FLNC: variants seen among roughly 807,000 people sequenced by gnomAD.
The protein encoded by FLNC is filamin C, also known as filamin-C.
FLNC carries 91 observed loss-of-function variants against 254.3 expected under a neutral mutation model. The ratio of observed to expected loss-of-function variants is 0.36; its 90% CI spans 0.30 to 0.43. FLNC has a LOEUF of 0.43. Ranked by LOEUF, FLNC falls within the 20% of genes least tolerant of loss-of-function variation. FLNC has a pLI of 1.00. For synonymous variants in FLNC, 1,430 were observed against 1,577.2 expected (o/e 0.91, Z 2.21); for missense variants, 2,853 against 3,802.6 (o/e 0.75, Z 6.57).
rs779061913 is a variant in FLNC at position 128,850,071 on chromosome 7, C to T, written c.5295C>T (p.His1765=). 3.3e-6 allele frequency: 5 copies of T among 1,536,250 alleles called. No homozygotes were observed. The highest frequency in any genetic ancestry group is 2.4e-5 in the East Asian group (1 of 41,114). ...CCCGGCCCGGCGCCCGCCCCACACA[C>T]TGGGTACTGCGCCTCCCACCAGGCG... ...APPRPGARPT[H]WATEEPVVPV... is the part of the protein sequence containing the mutation. Residue 1765 remains histidine, a synonymous_variant, in exon 31 of 48, where the codon CAC becomes CAT. Coordinates refer to ENST00000325888, the MANE Select transcript of FLNC (RefSeq NM_001458.5).
Position 128,840,534 on chromosome 7 carries a change from C to T in FLNC, c.1550-14C>T. On this transcript the variant is annotated splice_polypyrimidine_tract_variant and intron_variant, in intron 9 of 47. Transcript: ENST00000325888. ...TGATCTGCCTTCTTCCCCACCCTGC[C>T]CCCATCTCCTCAGAGGGCACAGAGG... is the stretch of plus-strand genomic sequence containing the variant. 1 of 1,614,136 alleles carries T rather than the reference C, an allele frequency of 6.2e-7. No homozygotes were observed. Among genetic ancestry groups the T allele is most frequent in the Non-Finnish European group, 8.5e-7 (1 of 1,180,022 alleles).
Position 128,854,870 on chromosome 7 carries a change from A to G in FLNC, c.7093A>G (p.Lys2365Glu). The change falls in exon 42 of 48, where the codon AAA becomes GAA. Residue 2365 changes from lysine to glutamate, a missense_variant. Lys to Glu is a moderately conservative substitution (Grantham distance 56). Transcript: ENST00000325888. ...AGCGGAGATTGCATTTGAGGATCGC[A>G]AAGATGGCTCCTGCGGCGTCTCCTA... ...SKAEIAFEDR[K>E]DGSCGVSYVV... is the part of the protein sequence containing the mutation. 1 of 1,614,100 alleles carries G rather than the reference A, an allele frequency of 6.2e-7. No individual in the cohort carries two copies. Among genetic ancestry groups the G allele is most frequent in the East Asian group, 2.2e-5 (1 of 44,882 alleles).
intron 24 of FLNC, 44 bp from the exon 25 acceptor site, chr7:128,847,653 C>A: frequency 6.2e-7 from 1 of 1,611,934 alleles, no homozygotes; most frequent in South Asian, 1.1e-5. Flanking sequence ...TCAGGGGGAC[C>A]CATCAGGGCT....
intron 35 of FLNC, among the ~76,000 whole-genome samples, chr7:128,851,831 A>C (rs1368596356): frequency 6.6e-6 from 1 of 152,238 alleles, no homozygotes; most frequent in Non-Finnish European, 1.5e-5. Flanking sequence ...CTTGTGCCTG[A>C]AAACACATTG....
chr7:128,855,867 T>C lies in FLNC; in HGVS notation c.7251+553T>C, dbSNP rs185171716. ...GCTTTCAGCAAGTCACACTGAAACA[T>C]GCAAACCAGGGGGCCAGGTGTCCAG... On this transcript the variant is annotated intron_variant, in intron 43 of 47. Transcript: ENST00000325888. Among the ~76,000 whole-genome samples, 3 of 152,298 alleles carry C rather than the reference T, an allele frequency of 2.0e-5. No individual in the cohort carries two copies. In the East Asian group the frequency reaches 5.8e-4, roughly 29 times the overall value.
rs776510985 is a variant in FLNC at position 128,837,136 on chromosome 7, C to T, written c.602-24C>T. The T allele has an allele frequency of 4.0e-5, 61 of 1,534,124 alleles. 1 individual carries two copies. Among genetic ancestry groups the T allele is most frequent in the Admixed American group, 2.3e-4 (13 of 55,600 alleles). On this transcript the variant is annotated intron_variant, in intron 2 of 47. Coordinates refer to ENST00000325888, the MANE Select transcript of FLNC (RefSeq NM_001458.5). ...TGGCCGGCTGGCTGCCCCTCACCAT[C>T]GTCTCCCTCCATCACCTCTCCAGGT...
Position 128,846,161 on chromosome 7 carries a change from A to G in FLNC, c.3962A>G (p.Glu1321Gly), listed in dbSNP as rs1294078662. 1.9e-6 allele frequency: 3 copies of G among 1,608,766 alleles called. No individual in the cohort carries two copies. Among genetic ancestry groups the G allele is most frequent in the Non-Finnish European group, 2.5e-6 (3 of 1,177,986 alleles). ...TYRVQYTAYE[E>G]GVHLVEVLYD... The stretch of plus-strand genomic sequence containing the variant: ...CGAGTGCAGTACACCGCCTACGAGG[A>G]GGGTGAGGGCCGGTGGGCCAGGCTA... The change falls in exon 22 of 48, where the codon GAG becomes GGG. Residue 1321 changes from glutamate to glycine, a missense_variant and splice_region_variant. Glu to Gly is a moderately conservative substitution (Grantham distance 98). Around this residue, in one of 10 missense-constraint regions of FLNC, gnomAD observed 1,573 missense variants for 1,883.5 expected, o/e 0.84. Transcript: ENST00000325888.
At position 128,830,997 on chromosome 7, in the gene FLNC, C is replaced by T; in HGVS notation, c.352+8C>T. The T allele has an allele frequency of 6.2e-7, 1 of 1,603,942 alleles. No individual in the cohort carries two copies. The highest frequency in any genetic ancestry group is 8.5e-7 in the Non-Finnish European group (1 of 1,179,296). On this transcript the variant is annotated splice_region_variant and intron_variant, in intron 1 of 47. Transcript: ENST00000325888. ...TCAAGCTCGTGTCCATAGGTCAGTG[C>T]CGGGGGCGAGGGCACGGGCGCTGCG...
intron 24 of FLNC, among the ~76,000 whole-genome samples, chr7:128,847,258 C>T (rs545073469): frequency 6.6e-5 from 10 of 152,374 alleles, no homozygotes; most frequent in East Asian, 1.9e-4. Flanking sequence ...TTGCACGCAT[C>T]GTCTGCAGAA....
At position 128,847,771 on chromosome 7, in the gene FLNC, G is replaced by T; in HGVS notation, c.4363G>T (p.Ala1455Ser). 1 of 1,614,108 alleles carries T rather than the reference G, an allele frequency of 6.2e-7. No individual in the cohort carries two copies. The highest frequency in any genetic ancestry group is 8.5e-7 in the Non-Finnish European group (1 of 1,180,014). Residue 1455 changes from alanine (A) to serine (S), a missense_variant, in exon 25 of 48, where the codon GCT (alanine) becomes TCT (serine). Ala to Ser is a moderately conservative substitution (Grantham distance 99). Transcript: ENST00000325888. ...GAAGTGCTCAGGGCCAGGGCTGGGG[G>T]CTGGTGTCAGGGCCCGGGTTCCTCA... ...KVKCSGPGLG[A>S]GVRARVPQTF...
intron 37 of FLNC, chr7:128,853,236 G>A (rs1205711946): frequency 2.7e-5 from 19 of 711,826 alleles, no homozygotes; most frequent in Non-Finnish European, 4.6e-5. Context: ...AAGCTCAGCT[G>A]TCCTGAGTTT....
Position 128,833,621 on chromosome 7 carries a change from C to A in FLNC, c.353-1705C>A, listed in dbSNP as rs367558504. On this transcript the variant is annotated intron_variant, in intron 1 of 47. Coordinates refer to ENST00000325888, the MANE Select transcript of FLNC (RefSeq NM_001458.5). ...ACCACCCTCCCCATATACACACCGCCCCCCCCAACCCCTGCAGCCTCAAGG... is the reference window on the plus strand; with the variant it reads ...ACCACCCTCCCCATATACACACCGCACCCCCCAACCCCTGCAGCCTCAAGG... 1.9e-4 allele frequency among the ~76,000 whole-genome samples: 29 copies of A among 152,040 alleles called. No homozygotes were observed. In the South Asian group the frequency reaches 2.1e-3, roughly 11 times the overall value.
rs556179576 is a variant in FLNC, at chr7:128,857,628, C to T, written c.7780+292C>T. Among the ~76,000 whole-genome samples the T allele has an allele frequency of 9.6e-4, 146 of 151,824 alleles. 1 individual carries two copies. Among genetic ancestry groups the T allele is most frequent in the Non-Finnish European group, 1.5e-3 (105 of 67,992 alleles). ...TCCCTCCTGGCTTCCCATATTCCTC[C>T]GCTCCAAGAAGACACAGTCGGTATT... On this transcript the variant is annotated intron_variant, in intron 46 of 47. Transcript: ENST00000325888. This position sits in a 1 kb window ranked among gnomAD's most constrained non-coding sequence, Gnocchi z 4.5.
chr7:128,838,163 G>C, intron 6 of FLNC, 99 bp downstream of exon 6: 1 of 1,484,910 alleles, frequency 6.7e-7, no homozygotes, highest in Non-Finnish European at 9.4e-7. Flanking sequence ...CCTGCCCAGA[G>C]CCCCAGCTGC....
rs1296783830 is a variant in FLNC, at chr7:128,854,220, A to G, written c.6727+4A>G. 1 of 1,606,112 alleles carries G rather than the reference A, an allele frequency of 6.2e-7. No individual in the cohort carries two copies. Among genetic ancestry groups the G allele is most frequent in the Non-Finnish European group, 8.5e-7 (1 of 1,176,720 alleles). On this transcript the variant is annotated splice_donor_region_variant and intron_variant, in intron 40 of 47. Transcript: ENST00000325888. ...AGCATCACCCGGCAGCAGGAGGGTG[A>G]GCACCGCACACTGGGCCGGCCGGGT...
chr7:128,844,516 C>T (rs1438150622), intron 20 of FLNC, 142 bp from the exon 21 acceptor site: 21 of 948,000 alleles, frequency 2.2e-5, no homozygotes, highest in Middle Eastern at 2.6e-4. Flanking sequence ...ATCTCGCTGC[C>T]TCAATGTCAT....
intron 43 of FLNC, 50 bp downstream of exon 43, chr7:128,855,364 C>A: frequency 8.1e-7 from 1 of 1,234,324 alleles, no homozygotes; most frequent in Non-Finnish European, 1.2e-6. Context: ...GAGAGATGGG[C>A]AGGAGTTGAG....
intron 1 of FLNC, among the ~76,000 whole-genome samples, chr7:128,832,541 T>C (rs767250421): frequency 4.6e-5 from 7 of 152,202 alleles, no homozygotes; most frequent in Non-Finnish European, 5.9e-5. Flanking sequence ...GCGGGGGCTC[T>C]CGGCCCCTCT....
Position 128,830,835 on chromosome 7 carries a change from C to G in FLNC, c.198C>G (p.Asp66Glu). Residue 66 changes from aspartate (D) to glutamate (E), a missense_variant, in exon 1 of 48, where the codon GAC (aspartate) becomes GAG (glutamate). Transcript: ENST00000325888. ...RLTDLQRDLSDGLRLIALLEV... is the reference protein window; with the variant it reads ...RLTDLQRDLSEGLRLIALLEV... The stretch of plus-strand genomic sequence containing the variant: ...CCGACCTGCAGCGCGACCTCAGCGA[C>G]GGGCTCCGGCTCATCGCGCTGCTCG... 6.2e-7 allele frequency: 1 copy of G among 1,613,102 alleles called. No individual in the cohort carries two copies. The highest frequency in any genetic ancestry group is 8.5e-7 in the Non-Finnish European group (1 of 1,179,952).
Sources: gnomAD v4.1 joint callset for allele counts (sites outside exome capture counted in the v4.1 genomes callset) on GRCh38, gnomAD v4.1.1 for gene constraint, gnomAD v4.1.1 regional missense constraint, Gnocchi (gnomAD v3.1) non-coding constraint, MANE v1.5 for transcripts, NCBI Gene and HGNC (gene_info 2026-07-23, HGNC 2026-07-21) for gene names.